Variants in PAMR1 observed in about 807,000 individuals in gnomAD.
PAMR1 encodes inactive serine protease PAMR1.
Under a neutral mutation model 81.8 loss-of-function variants are expected in PAMR1, and 88 were observed. The ratio of observed to expected loss-of-function variants is 1.08; its 90% CI spans 0.91 to 1.28. The LOEUF is 1.28. Among genes scored for constraint, PAMR1 ranks in the 50% most tolerant of loss-of-function variants. The pLI, the probability that PAMR1 is intolerant of heterozygous loss-of-function variation, is 0.00. For missense variants in PAMR1, 935 were observed against 919.7 expected (o/e 1.02, Z -0.21); for synonymous variants, 336 against 345.3 (o/e 0.97, Z 0.30).
rs999609185 is a variant in PAMR1, at chr11:35,439,684, T to A, written c.1043A>T (p.Glu348Val). ...TCTCACCAGGTCTGAAATCTTTGGT[T>A]CTCGGCAGGCTAGAAATAAAAAAGA... Reference protein sequence around the residue: ...KQPICIKACREPKISDLVRRR... With the variant: ...KQPICIKACRVPKISDLVRRR... Residue 348 changes from glutamate (E) to valine (V), a missense_variant, in exon 8 of 11, where the codon GAA becomes GTA. Coordinates refer to ENST00000619888, the MANE Select transcript of PAMR1 (RefSeq NM_001001991.3). 5.6e-6 allele frequency: 9 copies of A among 1,613,530 alleles called. No individual in the cohort carries two copies. Among genetic ancestry groups the A allele is most frequent in the Non-Finnish European group, 7.6e-6 (9 of 1,179,550 alleles).
At chr11:35,448,160 C>T (rs1013204238) in intron 6 of PAMR1, among the ~76,000 whole-genome samples, 4 of 152,094 alleles carry the variant, frequency 2.6e-5, no homozygotes, top group African/African-American at 9.7e-5. Context: ...CTGGGGTTCT[C>T]TGGATTTCCT....
At chr11:35,506,436 T>G (rs1177148837) in intron 1 of PAMR1, among the ~76,000 whole-genome samples, 26 of 3,248 alleles carry the variant, frequency 8.0e-3, no homozygotes, top group Non-Finnish European at 0.024. Flanking sequence ...TTTTTGGTGT[T>G]TTTTTTTTTC....
intron 6 of PAMR1, among the ~76,000 whole-genome samples, chr11:35,454,899 G>C (rs1397688627): frequency 6.6e-6 from 1 of 152,200 alleles, no homozygotes; most frequent in African/African-American, 2.4e-5. Context: ...GGTAGTCTAA[G>C]ACATTGGGCT....
In PAMR1 at chr11:35,467,876, ACACTGTGCAC is replaced by A. The variant is rs1264444207; in HGVS notation, c.820+115_820+124del. On this transcript the variant is annotated intron_variant, in intron 6 of 10. Transcript: ENST00000619888. The stretch of plus-strand genomic sequence containing the variant: ...TGAGAATCACTCACTGGGAGTATCC[ACACTGTGCAC>A]CATCTTGGACAGAGCATCCTAGACA... 6 of 577,300 alleles carry A rather than the reference ACACTGTGCAC, an allele frequency of 1.0e-5. No individual in the cohort carries two copies. The East Asian group carries it at 1.5e-4, about 14-fold the overall frequency. 35.8% of individuals were successfully genotyped at this position (577,300 alleles called of 1,614,324 possible).
At chr11:35,438,309 G>C (rs1856094749) in intron 8 of PAMR1, among the ~76,000 whole-genome samples, 1 of 152,198 alleles carries the variant, frequency 6.6e-6, no homozygotes, top group Non-Finnish European at 1.5e-5. Context: ...CTACCTCAGA[G>C]GTTATAGTGA....
At chr11:35,521,915 G>T (rs623929) in intron 1 of PAMR1, among the ~76,000 whole-genome samples, 74,162 of 149,900 alleles carry the variant, frequency 0.49, 18,487 homozygotes, top group East Asian at 0.65. Flanking sequence ...TTTTTGTTTG[G>T]TTTTTTTTTG....
At chr11:35,436,723 A>T (rs596573) in intron 8 of PAMR1, among the ~76,000 whole-genome samples, 42,534 of 151,868 alleles carry the variant, frequency 0.28, 6,066 homozygotes, top group Admixed American at 0.33. Flanking sequence ...ATTCTCTTGT[A>T]TACTTCAATC....
In PAMR1 at chr11:35,432,296, C is replaced by T. The variant is rs1855923366; in HGVS notation, c.*60G>A. The T allele has an allele frequency of 4.7e-6, 7 of 1,475,578 alleles. No homozygotes were observed. The highest frequency in any genetic ancestry group is 6.5e-6 in the Non-Finnish European group (7 of 1,082,384). 91.4% of individuals were successfully genotyped at this position (1,475,578 alleles called of 1,614,324 possible). On this transcript the variant is annotated 3_prime_UTR_variant, in exon 11 of 11. Coordinates refer to ENST00000619888, the MANE Select transcript of PAMR1 (RefSeq NM_001001991.3). ...CACTTCAGGCCCACACTGCTTCACG[C>T]AATGACACACGTACAGACGGATATA...
At chr11:35,504,126 A>G (rs1044345077) in intron 1 of PAMR1, among the ~76,000 whole-genome samples, 4 of 152,280 alleles carry the variant, frequency 2.6e-5, no homozygotes, top group Middle Eastern at 3.4e-3. Flanking sequence ...ATCTATTGAA[A>G]TGATCACATG....
chr11:35,503,913 T>C (rs599836), intron 1 of PAMR1, among the ~76,000 whole-genome samples: 47,507 of 151,984 alleles, frequency 0.31, 7,504 homozygotes, highest in African/African-American at 0.36. Flanking sequence ...TAATGAATAA[T>C]AAAAGTGGTG....
intron 3 of PAMR1, among the ~76,000 whole-genome samples, chr11:35,488,197 C>CTT (rs35884320): frequency 0.012 from 1,091 of 87,886 alleles, 24 homozygotes; most frequent in African/African-American, 0.036. Flanking sequence ...CCTTTCCCAT[C>CTT]TTTTTTTTTT....
intron 4 of PAMR1, among the ~76,000 whole-genome samples, chr11:35,472,965 AG>A (rs773291626): frequency 6.6e-6 from 1 of 152,294 alleles, no homozygotes; most frequent in Non-Finnish European, 1.5e-5. Context: ...GCCACTCTGC[AG>A]AGAGGAGATG....
intron 6 of PAMR1, among the ~76,000 whole-genome samples, chr11:35,467,508 T>A (rs529491461): frequency 7.7e-4 from 118 of 152,322 alleles, no homozygotes; most frequent in African/African-American, 2.8e-3. Context: ...GTCATCCAAT[T>A]CAAGACACTT....
At chr11:35,525,704 T>C, upstream of PAMR1, 1 of 792,248 alleles carries the variant, frequency 1.3e-6, no homozygotes, top group South Asian at 1.5e-5. Context: ...GGAGCTCGGG[T>C]TTCAGCTCGC....
rs1411638729 is a variant in PAMR1, at chr11:35,496,999, C to T, written c.74-2727G>A. On this transcript the variant is annotated intron_variant, in intron 1 of 10. Coordinates refer to ENST00000619888, the MANE Select transcript of PAMR1 (RefSeq NM_001001991.3). ...TAGCCAACATGGTGAAACCTCATCT[C>T]AACTAAAGATACAAAAAATTAGGCG... Among the ~76,000 whole-genome samples the T allele has an allele frequency of 2.0e-5, 3 of 152,180 alleles. No individual in the cohort carries two copies. In the East Asian group the frequency reaches 5.8e-4, roughly 29 times the overall value.
upstream of PAMR1, among the ~76,000 whole-genome samples, chr11:35,527,168 G>T (rs576945231): frequency 6.6e-6 from 1 of 152,288 alleles, no homozygotes; most frequent in South Asian, 2.1e-4. Context: ...GCAGTGAAGT[G>T]ACTGGAAGCA....
At chr11:35,461,036 T>C (rs1011595465) in intron 6 of PAMR1, among the ~76,000 whole-genome samples, 3 of 152,166 alleles carry the variant, frequency 2.0e-5, no homozygotes, top group South Asian at 4.1e-4. Flanking sequence ...CTCATTGTGG[T>C]TTTGATTTGC....
At chr11:35,526,092 G>A (rs1017707436), upstream of PAMR1, 3 of 159,114 alleles carry the variant, frequency 1.9e-5, no homozygotes, top group Admixed American at 1.8e-4. Context: ...AGGAGTTGGT[G>A]ATGGGAGGAG....
intron 10 of PAMR1, among the ~76,000 whole-genome samples, chr11:35,433,610 A>G (rs2135331121): frequency 6.6e-6 from 1 of 152,344 alleles, no homozygotes; most frequent in African/African-American, 2.4e-5. Flanking sequence ...CTCCCACTCA[A>G]CTGTGGACTT....
Sources: allele counts gnomAD v4.1 joint callset (sites outside exome capture counted in the v4.1 genomes callset), GRCh38; gene constraint gnomAD v4.1.1; transcripts MANE v1.5; gene names NCBI Gene and HGNC (gene_info 2026-07-23, HGNC 2026-07-21).